Variants in IRX2 observed in about 807,000 individuals in gnomAD.
The protein encoded by IRX2 is iroquois homeobox 2.
Under a neutral mutation model 42.9 loss-of-function variants are expected in IRX2, and 26 were observed. That is an observed-to-expected ratio of 0.61 (90% confidence interval 0.44 to 0.84). IRX2 has a LOEUF of 0.84. IRX2 is among the 40% of genes least tolerant of loss of function. IRX2 has a pLI of 0.00. For synonymous variants in IRX2, 424 were observed against 353.9 expected, an observed-to-expected ratio of 1.20 and a Z score of -2.22; for missense variants, 782 against 713.9, an observed-to-expected ratio of 1.10 and a Z score of -1.09.
intron 1 of IRX2, among the ~76,000 whole-genome samples, chr5:2,750,503 G>T (rs1351365356): frequency 5.9e-5 from 9 of 152,166 alleles, no homozygotes; most frequent in Non-Finnish European, 1.3e-4. Context: ...CTCGCGAGCC[G>T]CCCCCAGGTC....
chr5:2,747,597 G>T lies in IRX2; in HGVS notation c.1383C>A (p.Thr461=). ...AGGGCTGGACGCCCCCGCCAACCAC[G>T]GTGCAGCCCTCGCTGGCATCTGTCA... ...EPKKDASEGC[T]VVGGGVQPYL Residue 461 remains threonine (T), a synonymous_variant, in exon 4 of 4, where the codon ACC becomes ACA. Transcript: ENST00000302057. 6.2e-7 allele frequency: 1 copy of T among 1,613,986 alleles called. No homozygotes were observed. Among genetic ancestry groups the T allele is most frequent in the Non-Finnish European group, 8.5e-7 (1 of 1,179,952 alleles).
At chr5:2,743,607 T>TG (rs551232136), downstream of IRX2, among the ~76,000 whole-genome samples, 222 of 151,740 alleles carry the variant, frequency 1.5e-3, no homozygotes, top group Middle Eastern at 6.8e-3. Flanking sequence ...CATCTGCTCC[T>TG]GGTCGCCCCG....
chr5:2,742,251 T>C (rs1737560019), downstream of IRX2, among the ~76,000 whole-genome samples: 5 of 152,176 alleles, frequency 3.3e-5, no homozygotes, highest in South Asian at 1.0e-3. Flanking sequence ...TGCATATTGT[T>C]GAAAACCAGA....
intron 3 of IRX2, 111 bp downstream of exon 3, chr5:2,748,234 T>C: frequency 1.0e-6 from 1 of 978,154 alleles, no homozygotes; most frequent in Non-Finnish European, 1.4e-6. Flanking sequence ...GTCCCAGGAG[T>C]GGCCCCCTGG....
rs1471897443 is a variant in IRX2, at chr5:2,749,061, G to C, written c.656-9C>G. 1.3e-6 allele frequency: 2 copies of C among 1,594,934 alleles called. No homozygotes were observed. Among genetic ancestry groups the C allele is most frequent in the East Asian group, 2.2e-5 (1 of 44,628 alleles). On this transcript the variant is annotated splice_polypyrimidine_tract_variant and intron_variant, in intron 2 of 3. Coordinates refer to ENST00000302057, the MANE Select transcript of IRX2 (RefSeq NM_033267.5). Reference sequence around the variant, plus strand: ...CACGTGCAGGCTGATCCCTGTGGGGGCGCGGGCACGGTGGGTGGCACGAGG... The same window carrying C: ...CACGTGCAGGCTGATCCCTGTGGGGCCGCGGGCACGGTGGGTGGCACGAGG...
rs373076159 is a variant in IRX2, at chr5:2,749,453, T to C, written c.584A>G (p.Asp195Gly). 3.7e-6 allele frequency: 6 copies of C among 1,614,012 alleles called. No individual in the cohort carries two copies. Among genetic ancestry groups the C allele is most frequent in the Non-Finnish European group, 5.1e-6 (6 of 1,180,000 alleles). ...KSEDEDEDEG[D>G]ATRSKDESPD... ...ACTCTCGTCCTTGCTTCTGGTAGCG[T>C]CGCCCTCGTCCTCGTCCTCATCTTC... The change falls in exon 2 of 4, where the codon GAC becomes GGC. Residue 195 changes from aspartate to glycine, a missense_variant. Transcript: ENST00000302057.
At position 2,751,208 on chromosome 5, in the gene IRX2, G is replaced by T; in HGVS notation, c.206C>A (p.Ser69Ter). The T allele has an allele frequency of 7.6e-7, 1 of 1,313,342 alleles. No individual in the cohort carries two copies. Among genetic ancestry groups the T allele is most frequent in the South Asian group, 2.0e-5 (1 of 50,644 alleles). The allele number at this position is 1,313,342 out of a possible 1,614,324, so 81.4% of individuals were successfully genotyped here. A position where few individuals can be genotyped will look rare whatever the true frequency, so the allele number is the denominator to read the frequency against. The stretch of plus-strand genomic sequence containing the variant: ...GGCGGCGGCGGCGGCGGCGTCGGCC[G>T]AGTACTGCAGCGGGCTCCCGAAGCC... ...ATGFGSPLQYSADAAAAAAGF... is the reference protein window; with the variant it reads ...ATGFGSPLQY The change falls in exon 1 of 4, where the codon TCG becomes TAG. Residue 69 changes from serine (S) to a stop codon, truncating the protein, a stop_gained. Transcript: ENST00000302057. LOFTEE classifies it high-confidence loss of function. The surrounding 1 kb of genome is among the most constrained non-coding windows in gnomAD (Gnocchi z 4.0).
the IRX2 span, among the ~76,000 whole-genome samples, chr5:2,739,612 G>A: frequency 6.6e-6 from 1 of 152,200 alleles, no homozygotes; most frequent in African/African-American, 2.4e-5. Flanking sequence ...TGGTCCCGGG[G>A]GCCCTGAACC....
Position 2,749,382 on chromosome 5 carries a change from C to T in IRX2, c.655G>A (p.Gly219Arg). ...EGTETSAEDE[G>R]ISLHVDSLTD... Reference sequence around the variant, plus strand: ...CTTGCGCCGGCCGCTGCCCGCTCACCTTCGTCCTCTGCCGAGGTCTCCGTG... The same window carrying T: ...CTTGCGCCGGCCGCTGCCCGCTCACTTTCGTCCTCTGCCGAGGTCTCCGTG... Residue 219 changes from glycine (G) to arginine (R), a missense_variant and splice_region_variant, in exon 2 of 4, where the codon GGG becomes AGG. Gly to Arg is a moderately radical substitution (Grantham distance 125). Transcript: ENST00000302057. The T allele has an allele frequency of 6.2e-7, 1 of 1,603,242 alleles. No homozygotes were observed. Among genetic ancestry groups the T allele is most frequent in the Non-Finnish European group, 8.5e-7 (1 of 1,175,166 alleles).
the IRX2 span, among the ~76,000 whole-genome samples, chr5:2,740,137 T>A: frequency 2.0e-5 from 3 of 150,854 alleles, no homozygotes; most frequent in African/African-American, 7.3e-5. Context: ...CGAAAACTCA[T>A]GAACAGGCGG....
At position 2,749,419 on chromosome 5, in the gene IRX2, C is replaced by T. The variant is rs142158336; in HGVS notation, c.618G>A (p.Lys206=). The part of the protein sequence containing the change: ...ATRSKDESPD[K]AQEGTETSAE... ...CCGAGGTCTCCGTGCCCTCCTGCGCCTTGTCGGGACTCTCGTCCTTGCTTC... is the reference window on the plus strand; with the variant it reads ...CCGAGGTCTCCGTGCCCTCCTGCGCTTTGTCGGGACTCTCGTCCTTGCTTC... The change falls in exon 2 of 4, where the codon AAG becomes AAA. Residue 206 remains lysine, a synonymous_variant. Coordinates refer to ENST00000302057, the MANE Select transcript of IRX2 (RefSeq NM_033267.5). 2.4e-5 allele frequency: 39 copies of T among 1,613,986 alleles called. No individual in the cohort carries two copies. In the African/African-American group the frequency reaches 4.8e-4, roughly 20 times the overall value.
chr5:2,751,541 CCCGGGTACTAGCCTGGGCGGCCCGCGGG>C lies in IRX2; in HGVS notation c.-156_-129del, dbSNP rs934381454. 8 of 557,906 alleles carry C rather than the reference CCCGGGTACTAGCCTGGGCGGCCCGCGGG, an allele frequency of 1.4e-5. No individual in the cohort carries two copies. The highest frequency in any genetic ancestry group is 1.8e-5 in the Non-Finnish European group (8 of 443,532). The allele number at this position is 557,906 out of a possible 1,614,324, so 34.6% of individuals were successfully genotyped here. A position where few individuals can be genotyped will look rare whatever the true frequency, so the allele number is the denominator to read the frequency against. On this transcript the variant is annotated 5_prime_UTR_variant, in exon 1 of 4. Coordinates refer to ENST00000302057, the MANE Select transcript of IRX2 (RefSeq NM_033267.5). This position sits in a 1 kb window ranked among gnomAD's most constrained non-coding sequence, Gnocchi z 4.0. The stretch of plus-strand genomic sequence containing the variant: ...CGGACGGCCGGCGGAGGCAGGCCGG[CCCGGGTACTAGCCTGGGCGGCCCGCGGG>C]CCGGGGCGGCGGCGGGGTGGCGGTG...
rs1737994448 is a variant in IRX2 at position 2,751,573 on chromosome 5, G to GGGCGGCGGCGGGGTGGCGGT, written c.-180_-161dup. On this transcript the variant is annotated 5_prime_UTR_variant, in exon 1 of 4. Coordinates refer to ENST00000302057, the MANE Select transcript of IRX2 (RefSeq NM_033267.5). This position sits in a 1 kb window ranked among gnomAD's most constrained non-coding sequence, Gnocchi z 4.0. Reference sequence around the variant, plus strand: ...ACTAGCCTGGGCGGCCCGCGGGCCGGGGCGGCGGCGGGGTGGCGGTGGCGG... The same window carrying GGGCGGCGGCGGGGTGGCGGT: ...ACTAGCCTGGGCGGCCCGCGGGCCGGGGCGGCGGCGGGGTGGCGGTGGCGGCGGCGGGGTGGCGGTGGCGG... 4.0e-6 allele frequency: 1 copy of GGGCGGCGGCGGGGTGGCGGT among 252,772 alleles called. No individual in the cohort carries two copies. Among genetic ancestry groups the GGGCGGCGGCGGGGTGGCGGT allele is most frequent in the African/African-American group, 2.4e-5 (1 of 41,826 alleles). 15.7% of individuals were successfully genotyped at this position (252,772 alleles called of 1,614,324 possible). A position where few individuals can be genotyped will look rare whatever the true frequency, so the allele number is the denominator to read the frequency against.
At chr5:2,738,883 A>G in the IRX2 span, among the ~76,000 whole-genome samples, 1 of 152,174 alleles carries the variant, frequency 6.6e-6, no homozygotes, top group Non-Finnish European at 1.5e-5. Context: ...CTGGACGCCG[A>G]GGCCGGGGAG....
Position 2,748,475 on chromosome 5 carries a change from G to T in IRX2, c.1233C>A (p.Asn411Lys). ...CCTCGCCGGGGGCCGCGGCCGCAGA[G>T]TTGTACCGCAGGAGACCCTGGCCCT... ...ALQGQGLLRYNSAAAAPGEAL... is the reference protein window; with the variant it reads ...ALQGQGLLRYKSAAAAPGEAL... Residue 411 changes from asparagine to lysine, a missense_variant, in exon 3 of 4, where the codon AAC (asparagine) becomes AAA (lysine). Asn to Lys is a moderately conservative substitution (Grantham distance 94). Transcript: ENST00000302057. 3.2e-6 allele frequency: 5 copies of T among 1,577,598 alleles called. No individual in the cohort carries two copies. Among genetic ancestry groups the T allele is most frequent in the Non-Finnish European group, 4.3e-6 (5 of 1,164,372 alleles).
Position 2,748,417 on chromosome 5 carries a change from C to T in IRX2, c.1291G>A (p.Ala431Thr). The change falls in exon 3 of 4, where the codon GCG becomes ACG. Residue 431 changes from alanine to threonine, a missense_variant. Around this residue, in one of 3 missense-constraint regions of IRX2, gnomAD observed 520 missense variants for 437.8 expected, o/e 1.19. Transcript: ENST00000302057. ...LHTAPKAASD[A>T]GKAGAHPLES... is the part of the protein sequence containing the mutation. ...AGCGGGTGCGCGCCCGCCTTGCCCG[C>T]GTCGCTGGCCGCCTTTGGCGCGGTG... 1.3e-6 allele frequency: 2 copies of T among 1,509,064 alleles called. No homozygotes were observed. Among genetic ancestry groups the T allele is most frequent in the Admixed American group, 2.3e-5 (1 of 44,098 alleles). The allele number at this position is 1,509,064 out of a possible 1,614,324, so 93.5% of individuals were successfully genotyped here.
rs1478885262 is a variant in IRX2 at position 2,751,017 on chromosome 5, G to A, written c.249+148C>T. ...CACCCGGGGCCCGGCTCAGCCTGCG[G>A]GGCGGCCAACCGAGCCGGCGACTCC... On this transcript the variant is annotated intron_variant, in intron 1 of 3. Transcript: ENST00000302057. The surrounding 1 kb of genome is among the most constrained non-coding windows in gnomAD (Gnocchi z 4.0). 1.1e-6 allele frequency: 1 copy of A among 950,880 alleles called. No individual in the cohort carries two copies. Among genetic ancestry groups the A allele is most frequent in the Admixed American group, 4.8e-5 (1 of 20,772 alleles). 58.9% of individuals were successfully genotyped at this position (950,880 alleles called of 1,614,324 possible).
rs910054919 is a variant in IRX2, at chr5:2,751,158, C to T, written c.249+7G>A. 2 of 1,243,802 alleles carry T rather than the reference C, an allele frequency of 1.6e-6. No homozygotes were observed. The highest frequency in any genetic ancestry group is 2.0e-6 in the Non-Finnish European group (2 of 993,286). The allele number at this position is 1,243,802 out of a possible 1,614,324, so 77.0% of individuals were successfully genotyped here. On this transcript the variant is annotated splice_region_variant and intron_variant, in intron 1 of 3. Transcript: ENST00000302057. The surrounding 1 kb of genome is among the most constrained non-coding windows in gnomAD (Gnocchi z 4.0). ...AGGAGTCCCGCGTCCCGCCCGCGCC[C>T]GGTTACCATGTAGGACGGGAAGCCG...
chr5:2,748,280 C>A (rs1579626126), intron 3 of IRX2, 65 bp downstream of exon 3: 2 of 1,325,632 alleles, frequency 1.5e-6, no homozygotes, highest in African/African-American at 1.6e-5. Context: ...GTCTCCCGGG[C>A]GCTCCGCCTC....
Sources: allele counts gnomAD v4.1 joint callset (sites outside exome capture counted in the v4.1 genomes callset), GRCh38; gene constraint gnomAD v4.1.1; regional missense constraint gnomAD v4.1.1; non-coding constraint Gnocchi (gnomAD v3.1); transcripts MANE v1.5; gene names NCBI Gene and HGNC (gene_info 2026-07-23, HGNC 2026-07-21).